Variants in RPS6KL1 observed in about 807,000 individuals in gnomAD.
RPS6KL1 encodes the protein ribosomal protein S6 kinase-like 1.
In RPS6KL1, 41 loss-of-function variants were observed where a neutral mutation model predicts 57.0. The ratio of observed to expected loss-of-function variants is 0.72; its 90% confidence interval spans 0.56 to 0.93. RPS6KL1 has a LOEUF of 0.93. Among genes scored for constraint, RPS6KL1 ranks in the 40% least tolerant of loss-of-function variants. The probability of loss-of-function intolerance (pLI) is 0.00; values close to 1 mark genes in which losing one functional copy is unlikely to be tolerated. For synonymous variants in RPS6KL1, 287 were observed against 309.7 expected (o/e 0.93, Z 0.77); for missense variants, 697 against 727.7 (o/e 0.96, Z 0.49).
In RPS6KL1 at chr14:74,921,450, T is replaced by G. The variant is rs754959811; in HGVS notation, c.92A>C (p.Glu31Ala). 6.2e-7 allele frequency: 1 copy of G among 1,614,148 alleles called. No homozygotes were observed. Among genetic ancestry groups the G allele is most frequent in the East Asian group, 2.2e-5 (1 of 44,884 alleles). ...CAGAGCCACCCTGTTGCGAATCTGC[T>G]CCAGGTACACGTGAGCTTGGGACCG... ...RARSQAHVYL[E>A]QIRNRVALGV... Residue 31 changes from glutamate (E) to alanine (A), a missense_variant, in exon 3 of 12, where the codon GAG becomes GCG. Glu to Ala is a moderately radical substitution (Grantham distance 107, BLOSUM62 -1). Coordinates refer to ENST00000557413, the MANE Select transcript of RPS6KL1 (RefSeq NM_031464.5).
intron 2 of RPS6KL1, 164 bp from the exon 3 acceptor site, chr14:74,921,725 T>C: frequency 7.0e-7 from 1 of 1,425,464 alleles, no homozygotes; most frequent in Non-Finnish European, 9.1e-7. Flanking sequence ...AGGTCCTTCC[T>C]AAGTGGTGGT....
chr14:74,919,344 G>A (rs907514534), intron 4 of RPS6KL1, among the ~76,000 whole-genome samples: 4 of 152,358 alleles, frequency 2.6e-5, no homozygotes, highest in South Asian at 2.1e-4. Context: ...GGTAAGAAGC[G>A]TGCGTGCATT....
At chr14:74,912,476 G>T (rs1458837480) in intron 5 of RPS6KL1, among the ~76,000 whole-genome samples, 1 of 152,136 alleles carries the variant, frequency 6.6e-6, no homozygotes, top group African/African-American at 2.4e-5. Flanking sequence ...CAAGGCCTTA[G>T]CTAGAGCCCC....
At chr14:74,909,514 C>T (rs373499816) in intron 8 of RPS6KL1, 29 bp downstream of exon 8, 1 of 1,552,356 alleles carries the variant, frequency 6.4e-7, no homozygotes, top group Admixed American at 1.9e-5. Context: ...TTGGGGGCCA[C>T]CCCACTGAGG....
At chr14:74,921,894 C>T (rs1887923472) in intron 2 of RPS6KL1, 84 bp downstream of exon 2, 4 of 353,468 alleles carry the variant, frequency 1.1e-5, no homozygotes, top group Non-Finnish European at 1.4e-5. Context: ...TCTCCTGCCT[C>T]AGCATCCCAA....
At chr14:74,920,093 G>T in intron 3 of RPS6KL1, 124 bp from the exon 4 acceptor site, 3 of 1,277,480 alleles carry the variant, frequency 2.3e-6, no homozygotes, top group Non-Finnish European at 3.3e-6. Context: ...TGGTTCGGCA[G>T]ATTCTGCCCC....
In RPS6KL1 at chr14:74,918,544, C is replaced by T; in HGVS notation, c.452G>A (p.Arg151Lys). 1 of 1,534,614 alleles carries T rather than the reference C, an allele frequency of 6.5e-7. No individual in the cohort carries two copies. Among genetic ancestry groups the T allele is most frequent in the Non-Finnish European group, 8.7e-7 (1 of 1,146,224 alleles). Residue 151 changes from arginine to lysine, a missense_variant, in exon 5 of 12, where the codon AGG becomes AAG. Coordinates refer to ENST00000557413, the MANE Select transcript of RPS6KL1 (RefSeq NM_031464.5). ...GATGACCCCGACCACCCTGCAGCCC[C>T]TCAGCTGCTCCACGGCAGAGCTCAG... ...RTLSSAVEQL[R>K]GCRVVGVIEK...
intron 5 of RPS6KL1, among the ~76,000 whole-genome samples, chr14:74,913,488 C>G (rs990729843): frequency 2.6e-5 from 4 of 152,126 alleles, no homozygotes; most frequent in South Asian, 2.1e-4. Flanking sequence ...ACTCAGGAGG[C>G]AGAGTTGCAG....
intron 7 of RPS6KL1, 130 bp downstream of exon 7, chr14:74,911,118 T>A (rs1335752729): frequency 1.2e-6 from 1 of 844,314 alleles, no homozygotes; most frequent in Non-Finnish European, 2.0e-6. Context: ...TTGATCCGCC[T>A]GCCTCGGCCT....
In RPS6KL1 at chr14:74,909,972, G is replaced by C; in HGVS notation, c.841C>G (p.Pro281Ala). 5 of 1,614,130 alleles carry C rather than the reference G, an allele frequency of 3.1e-6. No homozygotes were observed. Among genetic ancestry groups the C allele is most frequent in the Non-Finnish European group, 4.2e-6 (5 of 1,179,990 alleles). The change falls in exon 8 of 12, where the codon CCT becomes GCT. Residue 281 changes from proline to alanine, a missense_variant. Pro to Ala is a conservative substitution (Grantham distance 27). Transcript: ENST00000557413. Reference sequence around the variant, plus strand: ...AGGAGAAGGTTCGGAGAAGTCCTAGGAGGCTCCAGGGCGATTCTGTCCTGG... The same window carrying C: ...AGGAGAAGGTTCGGAGAAGTCCTAGCAGGCTCCAGGGCGATTCTGTCCTGG... ...PGQDRIALEP[P>A]RTSPNLLLAG...
At chr14:74,921,164 G>C in intron 3 of RPS6KL1, 113 bp downstream of exon 3, 1 of 931,886 alleles carries the variant, frequency 1.1e-6, no homozygotes, top group Non-Finnish European at 1.6e-6. Context: ...GGCCAGCATA[G>C]TGCCGTGCTC....
At chr14:74,916,384 G>A (rs1440561467) in intron 5 of RPS6KL1, among the ~76,000 whole-genome samples, 2 of 152,184 alleles carry the variant, frequency 1.3e-5, no homozygotes, top group Non-Finnish European at 2.9e-5. Context: ...AAAAAAGAAG[G>A]GTAGTCCTGA....
In RPS6KL1 at chr14:74,922,231, A is replaced by T. The variant is rs1322825622; in HGVS notation, c.-274T>A. The T allele has an allele frequency of 1.0e-6, 1 of 986,272 alleles. No individual in the cohort carries two copies. The highest frequency in any genetic ancestry group is 1.2e-6 in the Non-Finnish European group (1 of 830,598). The allele number at this position is 986,272 out of a possible 1,614,324, so 61.1% of individuals were successfully genotyped here. On this transcript the variant is annotated 5_prime_UTR_variant, in exon 2 of 12. It removes an upstream start codon present in the reference 5' UTR. Coordinates refer to ENST00000557413, the MANE Select transcript of RPS6KL1 (RefSeq NM_031464.5). ...AGAGCAAGCTTGGTATCCAGTACGC[A>T]TTCAGCACATGGAGGCCACACACGC... is the stretch of plus-strand genomic sequence containing the variant.
chr14:74,910,881 T>TC (rs2140276589), intron 7 of RPS6KL1: 1 of 187,526 alleles, frequency 5.3e-6, no homozygotes, highest in East Asian at 1.2e-4. Flanking sequence ...TTTTTTTTTT[T>TC]TTTTTTTTGA....
intron 5 of RPS6KL1, among the ~76,000 whole-genome samples, chr14:74,917,345 G>A (rs576114307): frequency 1.3e-5 from 2 of 152,364 alleles, no homozygotes; most frequent in East Asian, 3.9e-4. Flanking sequence ...GGCCACCCGG[G>A]GTGGTGCCCA....
chr14:74,921,349 C>G lies in RPS6KL1; in HGVS notation c.193G>C (p.Val65Leu). 6.2e-7 allele frequency: 1 copy of G among 1,613,294 alleles called. No homozygotes were observed. Among genetic ancestry groups the G allele is most frequent in the Non-Finnish European group, 8.5e-7 (1 of 1,179,490 alleles). The change falls in exon 3 of 12, where the codon GTT becomes CTT. Residue 65 changes from valine to leucine, a missense_variant. By Grantham distance (32) the Val-to-Leu change is conservative (BLOSUM62 1). Coordinates refer to ENST00000557413, the MANE Select transcript of RPS6KL1 (RefSeq NM_031464.5). ...AAGGCCGCCTCATAGTCCTCACTAA[C>G]ATCGCGCTCCAGGGCCAGCCGGATC... Reference protein sequence around the residue: ...TQIRLALERDVSEDYEAAFNH... With the variant: ...TQIRLALERDLSEDYEAAFNH...
At position 74,918,454 on chromosome 14, in the gene RPS6KL1, C is replaced by T. The variant is rs75725883; in HGVS notation, c.483+59G>A. On this transcript the variant is annotated intron_variant, in intron 5 of 11. Transcript: ENST00000557413. ...CAGCATATCATGTCTCTCTCCCCAC[C>T]GCCACCCCAAATTGCATACACTGTC... 2,656 of 1,264,570 alleles carry T rather than the reference C, an allele frequency of 2.1e-3. 55 individuals carry two copies. In the African/African-American group the frequency reaches 0.035, roughly 17 times the overall value. 78.3% of individuals were successfully genotyped at this position (1,264,570 alleles called of 1,614,324 possible).
rs1379366785 is a variant in RPS6KL1, at chr14:74,906,403, C to G, written c.*611G>C. ...CAAGATAGGGGGCATGGTCAGGAAT[C>G]GGGGGTGGGGGGGTGGGGGTGGGGG... On this transcript the variant is annotated 3_prime_UTR_variant, in exon 12 of 12. Transcript: ENST00000557413. 3 of 210,250 alleles carry G rather than the reference C, an allele frequency of 1.4e-5. No homozygotes were observed. In the African/African-American group the frequency reaches 2.9e-4, roughly 21 times the overall value. The allele number at this position is 210,250 out of a possible 1,614,324, so 13.0% of individuals were successfully genotyped here. A position where few individuals can be genotyped will look rare whatever the true frequency, so the allele number is the denominator to read the frequency against.
At position 74,904,371 on chromosome 14, in the gene RPS6KL1, G is replaced by A. The variant is rs1884456066; in HGVS notation, c.*2643C>T. The A allele has an allele frequency of 6.6e-6, 1 of 152,156 alleles. No homozygotes were observed. Among genetic ancestry groups the A allele is most frequent in the African/African-American group, 2.4e-5 (1 of 41,430 alleles). The allele number at this position is 152,156 out of a possible 1,614,324, so 9.4% of individuals were successfully genotyped here. A position where few individuals can be genotyped will look rare whatever the true frequency, so the allele number is the denominator to read the frequency against. On this transcript the variant is annotated 3_prime_UTR_variant, in exon 12 of 12. Transcript: ENST00000557413. ...AAATGCTTCTCATCAGACTTAAGGA[G>A]CCTGTTTTAACAGTAATTCCAAAAG...
Sources: gnomAD v4.1 joint callset for allele counts (sites outside exome capture counted in the v4.1 genomes callset) on GRCh38, gnomAD v4.1.1 for gene constraint, MANE v1.5 for transcripts, NCBI Gene and HGNC (gene_info 2026-07-23, HGNC 2026-07-21) for gene names.